The following RANBP2 variants were observed in gnomAD, a reference collection of about 807,000 sequenced individuals.
RANBP2 encodes the protein E3 SUMO-protein ligase RanBP2.
RANBP2 carries 57 observed loss-of-function variants against 303.6 expected under a neutral mutation model. That is an observed-to-expected ratio of 0.19 (90% CI 0.15 to 0.23). The LOEUF (loss-of-function observed/expected upper bound fraction) is 0.23. RANBP2 is among the 10% of genes least tolerant of loss of function. RANBP2 has a pLI of 1.00. For missense variants in RANBP2, 3,138 were observed against 3,780.8 expected (o/e 0.83, Z 4.46); for synonymous variants, 1,167 against 1,301.5 (o/e 0.90, Z 2.23).
the RANBP2 span, among the ~76,000 whole-genome samples, chr2:109,731,017 A>G: frequency 1.3e-5 from 2 of 151,920 alleles, no homozygotes; most frequent in Admixed American, 6.6e-5. Context: ...TGAACTCCCA[A>G]TGTCAGGTGA....
chr2:109,326,119 A>C, the RANBP2 span, among the ~76,000 whole-genome samples: 1 of 152,248 alleles, frequency 6.6e-6, no homozygotes, highest in African/African-American at 2.4e-5. Context: ...ACACACACGT[A>C]TGTGGGTCTA....
the RANBP2 span, among the ~76,000 whole-genome samples, chr2:109,689,180 T>G: frequency 6.6e-6 from 1 of 152,138 alleles, no homozygotes; most frequent in Non-Finnish European, 1.5e-5. Context: ...GTGCTGAGAT[T>G]ACAGGCGTGA....
chr2:108,974,199 A>G, the RANBP2 span, among the ~76,000 whole-genome samples: 10 of 151,198 alleles, frequency 6.6e-5, no homozygotes, highest in South Asian at 1.5e-3. Context: ...GCGTGGTGGC[A>G]GGCGCCTGTA....
intron 7 of RANBP2, among the ~76,000 whole-genome samples, chr2:108,745,498 T>G (rs1173804246): frequency 2.0e-5 from 3 of 150,694 alleles, no homozygotes; most frequent in Admixed American, 6.6e-5. Flanking sequence ...GCCTTCTACC[T>G]GTTGGTCTTG....
At chr2:109,633,918 G>A in the RANBP2 span, among the ~76,000 whole-genome samples, 1 of 151,690 alleles carries the variant, frequency 6.6e-6, no homozygotes, top group Non-Finnish European at 1.5e-5. Flanking sequence ...TTAGGAGTTC[G>A]AGACTAGCCT....
At chr2:109,432,424 C>G in the RANBP2 span, 5 of 1,561,706 alleles carry the variant, frequency 3.2e-6, no homozygotes, top group Non-Finnish European at 4.3e-6. Context: ...CAAAGACAAC[C>G]TCCCCCCAGG....
At chr2:109,329,479 G>A in the RANBP2 span, among the ~76,000 whole-genome samples, 73 of 152,270 alleles carry the variant, frequency 4.8e-4, 1 homozygote, top group African/African-American at 1.6e-3. Flanking sequence ...TGGCTGGAGC[G>A]GTGTCTTTCC....
chr2:108,744,826 C>T (rs1029003813), intron 7 of RANBP2, among the ~76,000 whole-genome samples: 2 of 152,220 alleles, frequency 1.3e-5, no homozygotes, highest in African/African-American at 4.8e-5. Flanking sequence ...CTTTCTCCAC[C>T]TCCAAAGAAA....
At chr2:108,862,147 G>C in the RANBP2 span, among the ~76,000 whole-genome samples, 1 of 149,000 alleles carries the variant, frequency 6.7e-6, no homozygotes, top group African/African-American at 2.5e-5. Flanking sequence ...TTCACATGCA[G>C]ATGAGAAGAA....
chr2:108,743,548 G>A lies in RANBP2; in HGVS notation c.975+2867G>A, dbSNP rs4133593. On this transcript the variant is annotated intron_variant, in intron 7 of 28. Transcript: ENST00000283195. ...TCTGCCTTGCCCTCCCAAAGTGCTG[G>A]GATTACAGGTATGAGCCACCACACC... Among the ~76,000 whole-genome samples, 40 of 152,180 alleles carry A rather than the reference G, an allele frequency of 2.6e-4. 1 individual carries two copies. Among genetic ancestry groups the A allele is most frequent in the South Asian group, 4.2e-4 (2 of 4,814 alleles).
the RANBP2 span, among the ~76,000 whole-genome samples, chr2:109,489,681 C>T: frequency 9.7e-5 from 14 of 143,890 alleles, no homozygotes; most frequent in Admixed American, 9.9e-4. Context: ...CTATTTTGGA[C>T]ATTTCTGCTA....
At chr2:108,916,486 A>C in the RANBP2 span, among the ~76,000 whole-genome samples, 3 of 152,170 alleles carry the variant, frequency 2.0e-5, no homozygotes, top group African/African-American at 7.2e-5. Flanking sequence ...CAATGCCTGC[A>C]GATGTGACAT....
the RANBP2 span, among the ~76,000 whole-genome samples, chr2:109,003,728 C>G: frequency 6.6e-6 from 1 of 152,158 alleles, no homozygotes; most frequent in East Asian, 1.9e-4. Context: ...TCATTTTGAA[C>G]TAGGGCTTAC....
At chr2:109,462,949 T>A in the RANBP2 span, among the ~76,000 whole-genome samples, 3 of 152,336 alleles carry the variant, frequency 2.0e-5, no homozygotes, top group African/African-American at 7.2e-5. Context: ...TCTGATTATT[T>A]TCTTTCCCCT....
chr2:109,511,938 G>A, the RANBP2 span, among the ~76,000 whole-genome samples: 9 of 152,248 alleles, frequency 5.9e-5, no homozygotes, highest in African/African-American at 7.2e-5. Context: ...AGCAGGTGCC[G>A]ATGCACACGT....
the RANBP2 span, among the ~76,000 whole-genome samples, chr2:109,377,875 G>C: frequency 3.9e-5 from 6 of 152,192 alleles, no homozygotes; most frequent in African/African-American, 1.4e-4. Flanking sequence ...TGCCTCTTAA[G>C]TATGCTCTTG....
chr2:109,732,546 T>C, the RANBP2 span, among the ~76,000 whole-genome samples: 2 of 129,124 alleles, frequency 1.5e-5, no homozygotes, highest in Non-Finnish European at 3.4e-5. Context: ...TGGTGTAGTC[T>C]CGGCTTACTG....
At chr2:108,965,667 C>A in the RANBP2 span, among the ~76,000 whole-genome samples, 1 of 151,964 alleles carries the variant, frequency 6.6e-6, no homozygotes, top group Non-Finnish European at 1.5e-5. Flanking sequence ...TGGGTGACTG[C>A]TGCAGTGGGA....
At chr2:108,966,827 TA>T in the RANBP2 span, among the ~76,000 whole-genome samples, 1 of 152,200 alleles carries the variant, frequency 6.6e-6, no homozygotes, top group African/African-American at 2.4e-5. Context: ...TATTCTTGGC[TA>T]AACTGCTGAG....
Sources: gnomAD v4.1 joint callset for allele counts (sites outside exome capture counted in the v4.1 genomes callset) on GRCh38, gnomAD v4.1.1 for gene constraint, MANE v1.5 for transcripts, NCBI Gene and HGNC (gene_info 2026-07-23, HGNC 2026-07-21) for gene names.